MORN1: variants seen among roughly 807,000 people sequenced by gnomAD.
MORN1 encodes MORN repeat-containing protein 1.
In MORN1, 67 loss-of-function variants were observed where a neutral mutation model predicts 61.9. That is an observed-to-expected ratio of 1.08 (90% CI 0.89 to 1.33). MORN1 has a LOEUF of 1.33. Among genes scored for constraint, MORN1 ranks in the 40% most tolerant of loss-of-function variants. The pLI, the probability that MORN1 is intolerant of heterozygous loss-of-function variation, is 0.00. For synonymous variants in MORN1, 301 were observed against 292.0 expected (o/e 1.03, Z -0.31); for missense variants, 752 against 691.2 (o/e 1.09, Z -0.99).
intron 10 of MORN1, chr1:2,351,497 C>G: frequency 5.7e-6 from 1 of 176,950 alleles, no homozygotes; most frequent in Non-Finnish European, 1.2e-5. Context: ...GGCTATTTGG[C>G]AAAGACAGCC....
chr1:2,386,105 G>C, intron 4 of MORN1: 1 of 575,754 alleles, frequency 1.7e-6, no homozygotes, highest in Non-Finnish European at 3.1e-6. Context: ...TGAACGGGAA[G>C]GGCAGATGTG....
intron 10 of MORN1, chr1:2,355,082 G>A (rs1207841479): frequency 5.5e-6 from 5 of 901,048 alleles, no homozygotes; most frequent in Non-Finnish European, 5.4e-6. Context: ...GCCGGCGCGG[G>A]GGGCCCGCGC....
Position 2,370,557 on chromosome 1 carries a change from G to A in MORN1, c.745+1924C>T, listed in dbSNP as rs143571152. 4.9e-3 allele frequency among the ~76,000 whole-genome samples: 743 copies of A among 152,308 alleles called. 3 individuals carry two copies. Among genetic ancestry groups the A allele is most frequent in the Middle Eastern group, 0.031 (9 of 294 alleles). On this transcript the variant is annotated intron_variant, in intron 8 of 13. Coordinates refer to ENST00000378531, the MANE Select transcript of MORN1 (RefSeq NM_024848.3). Reference sequence around the variant, plus strand: ...CATTAGGCAAATGAAAAGATGAGCCGTAGGTGGACGGAAAGCATTTGCAAA... The same window carrying A: ...CATTAGGCAAATGAAAAGATGAGCCATAGGTGGACGGAAAGCATTTGCAAA...
In MORN1 at chr1:2,387,415, A is replaced by T; in HGVS notation, c.358+4T>A. 1 of 1,610,842 alleles carries T rather than the reference A, an allele frequency of 6.2e-7. No individual in the cohort carries two copies. Among genetic ancestry groups the T allele is most frequent in the Non-Finnish European group, 8.5e-7 (1 of 1,178,124 alleles). Reference sequence around the variant, plus strand: ...ACAGCACCCGGCTCCTGTGGGCGCCAGACCTTCCCGCATGCCGTGGGAGAC... The same window carrying T: ...ACAGCACCCGGCTCCTGTGGGCGCCTGACCTTCCCGCATGCCGTGGGAGAC... On this transcript the variant is annotated splice_donor_region_variant and intron_variant, in intron 4 of 13. Coordinates refer to ENST00000378531, the MANE Select transcript of MORN1 (RefSeq NM_024848.3).
intron 10 of MORN1, among the ~76,000 whole-genome samples, chr1:2,346,865 GTCC>G (rs904664090): frequency 6.6e-6 from 1 of 152,196 alleles, no homozygotes; most frequent in African/African-American, 2.4e-5. Flanking sequence ...AGCAGGAGCT[GTCC>G]TCCTAGTCTG....
At chr1:2,348,871 A>G (rs934295581) in intron 10 of MORN1, among the ~76,000 whole-genome samples, 7 of 148,550 alleles carry the variant, frequency 4.7e-5, no homozygotes, top group Non-Finnish European at 3.0e-5. Context: ...ATGTGCACGC[A>G]CACACAGCCA....
In MORN1 at chr1:2,390,096, A is replaced by G. The variant is rs1642609893; in HGVS notation, c.77-100T>C. On this transcript the variant is annotated intron_variant, in intron 1 of 13. Transcript: ENST00000378531. ...AGTGCAGCTCCCTTGAGGGCCTTCA[A>G]GGGGTTGGTACACGTCACCTTCAGC... is the stretch of plus-strand genomic sequence containing the variant. 2.6e-6 allele frequency: 3 copies of G among 1,132,696 alleles called. No individual in the cohort carries two copies. In the Admixed American group the frequency reaches 5.2e-5, roughly 20 times the overall value. 70.2% of individuals were successfully genotyped at this position (1,132,696 alleles called of 1,614,324 possible).
intron 8 of MORN1, among the ~76,000 whole-genome samples, chr1:2,362,467 C>T (rs1641909702): frequency 6.6e-6 from 1 of 151,334 alleles, no homozygotes; most frequent in African/African-American, 2.4e-5. Flanking sequence ...CCCAAGTGGA[C>T]CATCGAGGGA....
chr1:2,328,649 C>T (rs1262501204), intron 12 of MORN1, among the ~76,000 whole-genome samples: 2 of 152,224 alleles, frequency 1.3e-5, no homozygotes, highest in Admixed American at 1.3e-4. Flanking sequence ...GGGCCCTTGG[C>T]CGCAGATCTG....
rs368970506 is a variant in MORN1 at position 2,387,523 on chromosome 1, G to A, written c.254C>T (p.Thr85Ile). ...TCCCAGAACAAACTGTCCAGAGAAG[G>A]TGTCTCCTGCATGTGGACAAGGAGG... Reference protein sequence around the residue: ...GRRHWAWSGDTFSGQFVLGEP... With the variant: ...GRRHWAWSGDIFSGQFVLGEP... Residue 85 changes from threonine to isoleucine, a missense_variant, in exon 4 of 14, where the codon ACC (threonine) becomes ATC (isoleucine). Thr to Ile is a moderately conservative substitution (Grantham distance 89, BLOSUM62 -1). Transcript: ENST00000378531. 9 of 1,610,822 alleles carry A rather than the reference G, an allele frequency of 5.6e-6. No homozygotes were observed. The highest frequency in any genetic ancestry group is 7.6e-6 in the Non-Finnish European group (9 of 1,179,248).
intron 13 of MORN1, chr1:2,323,742 T>A (rs1005776982): frequency 2.0e-6 from 2 of 985,156 alleles, no homozygotes; most frequent in African/African-American, 3.5e-5. Context: ...CTCCTCATGG[T>A]TCAGCCACTG....
chr1:2,384,358 G>A (rs189956264), intron 6 of MORN1, among the ~76,000 whole-genome samples: 87 of 152,258 alleles, frequency 5.7e-4, no homozygotes, highest in Admixed American at 3.1e-3. Context: ...TGCCCCATTC[G>A]CCCGAGAACA....
intron 3 of MORN1, chr1:2,387,825 C>CAGT: frequency 2.2e-6 from 1 of 447,800 alleles, no homozygotes; most frequent in South Asian, 3.3e-5. Flanking sequence ...TTCCCTGGCT[C>CAGT]TTTAAAAACT....
At chr1:2,326,623 T>A (rs1641031472) in intron 12 of MORN1, 1 of 152,308 alleles carries the variant, frequency 6.6e-6, no homozygotes, top group South Asian at 2.1e-4. Flanking sequence ...GGACTGCACC[T>A]TCATGCGGGT....
At chr1:2,390,671 C>T in intron 1 of MORN1, 19 of 985,276 alleles carry the variant, frequency 1.9e-5, no homozygotes, top group Non-Finnish European at 2.2e-5. Context: ...TCAGGTTCTA[C>T]CTGAAGATAG....
At position 2,372,639 on chromosome 1, in the gene MORN1, C is replaced by A; in HGVS notation, c.635-48G>T. On this transcript the variant is annotated intron_variant, in intron 7 of 13. Coordinates refer to ENST00000378531, the MANE Select transcript of MORN1 (RefSeq NM_024848.3). The surrounding 1 kb of genome is among the most constrained non-coding windows in gnomAD (Gnocchi z 5.4). Reference sequence around the variant, plus strand: ...TTTAGCGGTGACTGGCATGGTCCCCCACCCACCCCATGGCTGAGTCAGCAG... The same window carrying A: ...TTTAGCGGTGACTGGCATGGTCCCCAACCCACCCCATGGCTGAGTCAGCAG... 2 of 1,471,918 alleles carry A rather than the reference C, an allele frequency of 1.4e-6. No homozygotes were observed. The highest frequency in any genetic ancestry group is 2.3e-5 in the East Asian group (1 of 43,406). The allele number at this position is 1,471,918 out of a possible 1,614,324, so 91.2% of individuals were successfully genotyped here. A position where few individuals can be genotyped will look rare whatever the true frequency, so the allele number is the denominator to read the frequency against.
At chr1:2,348,243 C>G (rs1641557360) in intron 10 of MORN1, among the ~76,000 whole-genome samples, 1 of 152,264 alleles carries the variant, frequency 6.6e-6, no homozygotes, top group Non-Finnish European at 1.5e-5. Flanking sequence ...GGTCTCATCA[C>G]AGAGAGACCC....
rs779391179 is a variant in MORN1, at chr1:2,391,457, C to T, written c.76+1G>A. 86 of 1,256,474 alleles carry T rather than the reference C, an allele frequency of 6.8e-5. No homozygotes were observed. The South Asian group carries it at 2.4e-3, about 35-fold the overall frequency. 77.8% of individuals were successfully genotyped at this position (1,256,474 alleles called of 1,614,324 possible). A position where few individuals can be genotyped will look rare whatever the true frequency, so the allele number is the denominator to read the frequency against. Reference sequence around the variant, plus strand: ...CCTGTCCCGTGGCCCGCAGTCGTTACCGTTCCGGGGCGGCCGCCTAGGCGG... The same window carrying T: ...CCTGTCCCGTGGCCCGCAGTCGTTATCGTTCCGGGGCGGCCGCCTAGGCGG... On this transcript the variant is annotated splice_donor_variant, in intron 1 of 13. Coordinates refer to ENST00000378531, the MANE Select transcript of MORN1 (RefSeq NM_024848.3). LOFTEE classifies it high-confidence loss of function.
chr1:2,367,917 C>G (rs1404296348), intron 8 of MORN1, among the ~76,000 whole-genome samples: 1 of 152,166 alleles, frequency 6.6e-6, no homozygotes, highest in East Asian at 1.9e-4. Context: ...GCGTGAGCCA[C>G]CGTGCCTGGC....
Sources: allele counts gnomAD v4.1 joint callset (sites outside exome capture counted in the v4.1 genomes callset), GRCh38; gene constraint gnomAD v4.1.1; non-coding constraint Gnocchi (gnomAD v3.1); transcripts MANE v1.5; gene names NCBI Gene and HGNC (gene_info 2026-07-23, HGNC 2026-07-21).